FLT4: variants seen among roughly 807,000 people sequenced by gnomAD.
FLT4 encodes the protein vascular endothelial growth factor receptor 3.
In FLT4, 30 loss-of-function variants were observed where a neutral mutation model predicts 163.2. The observed-to-expected ratio is 0.18, with a 90% CI of 0.14 to 0.25. FLT4 has a LOEUF of 0.25. Among genes scored for constraint, FLT4 ranks in the 10% least tolerant of loss-of-function variants. FLT4 has a pLI of 1.00. For synonymous variants in FLT4, 884 were observed against 789.5 expected (o/e 1.12, Z -2.01); for missense variants, 1,510 against 1,863.8 (o/e 0.81, Z 3.50).
At chr5:180,608,883 C>T in intron 29 of FLT4, 85 bp downstream of exon 29, 1 of 1,184,260 alleles carries the variant, frequency 8.4e-7, no homozygotes, top group Non-Finnish European at 1.3e-6. Flanking sequence ...GGGAAGAGGG[C>T]TGGGCACACC....
chr5:180,624,003 T>A lies in FLT4; in HGVS notation c.1480A>T (p.Thr494Ser), dbSNP rs307826. 10 of 1,613,302 alleles carry A rather than the reference T, an allele frequency of 6.2e-6. No homozygotes were observed. The Admixed American group carries it at 1.7e-4, about 27-fold the overall frequency. ...TCGATGGGGTTCACGGCATCCTGCG[T>A]GGTCACCGCCCTCCAGTCACGGCAC... ...PQCRDWRAVTTQDAVNPIESL... is the reference protein window; with the variant it reads ...PQCRDWRAVTSQDAVNPIESL... Residue 494 changes from threonine (T) to serine (S), a missense_variant, in exon 11 of 30, where the codon ACG becomes TCG. Thr to Ser is a moderately conservative substitution (Grantham distance 58). Around this residue, in one of 5 missense-constraint regions of FLT4, gnomAD observed 878 missense variants for 1,016.7 expected, o/e 0.86. Coordinates refer to ENST00000261937, the MANE Select transcript of FLT4 (RefSeq NM_182925.5).
At chr5:180,610,115 T>A in intron 27 of FLT4, 90 bp from the exon 28 acceptor site, 1 of 1,588,168 alleles carries the variant, frequency 6.3e-7, no homozygotes, top group Non-Finnish European at 8.6e-7. Flanking sequence ...CCTCTTCTCC[T>A]GGAAAGGACC....
rs747487993 is a variant in FLT4, at chr5:180,628,979, C to T, written c.1006G>A (p.Glu336Lys). 1.1e-5 allele frequency: 18 copies of T among 1,612,416 alleles called. No homozygotes were observed. Among genetic ancestry groups the T allele is most frequent in the South Asian group, 7.7e-5 (7 of 91,066 alleles). ...TCCAGGATGGGTCCTTTGAGCCACT[C>T]GACGCTGATGAAGGGATTTTCTGCC... ...IVHENPFISVEWLKGPILEAT... is the reference protein window; with the variant it reads ...IVHENPFISVKWLKGPILEAT... The change falls in exon 8 of 30, where the codon GAG becomes AAG. Residue 336 changes from glutamate to lysine, a missense_variant. Physicochemically the swap from Glu to Lys is moderately conservative, Grantham distance 56. This residue lies in a region of FLT4 where 163 missense variants were observed against 281.1 expected (regional missense o/e 0.58). Coordinates refer to ENST00000261937, the MANE Select transcript of FLT4 (RefSeq NM_182925.5).
chr5:180,630,204 G>T lies in FLT4; in HGVS notation c.513+21C>A, dbSNP rs2127836698. 1 of 1,610,290 alleles carries T rather than the reference G, an allele frequency of 6.2e-7. No homozygotes were observed. ...GGGTGGGATGGGAGGGTCGGATGCT[G>T]GGGTTGGGGTGGGGCCGTACCGAGC... On this transcript the variant is annotated intron_variant, in intron 4 of 29. Transcript: ENST00000261937. The surrounding 1 kb of genome is among the most constrained non-coding windows in gnomAD (Gnocchi z 6.3).
chr5:180,638,296 C>A lies in FLT4; in HGVS notation c.59-6518G>T, dbSNP rs141240646. Among the ~76,000 whole-genome samples the A allele has an allele frequency of 3.2e-3, 486 of 152,318 alleles. 1 individual carries two copies. The highest frequency in any genetic ancestry group is 0.011 in the African/African-American group (462 of 41,578). The stretch of plus-strand genomic sequence containing the variant: ...GATGCTAAACTGCAGACGTGCACCC[C>A]CTCCAGCCCCACCAAAGGCTCCTCC... On this transcript the variant is annotated intron_variant, in intron 1 of 29. Coordinates refer to ENST00000261937, the MANE Select transcript of FLT4 (RefSeq NM_182925.5).
intron 21 of FLT4, among the ~76,000 whole-genome samples, 153 bp from the exon 22 acceptor site, chr5:180,617,147 C>A (rs1762754894): frequency 2.0e-5 from 3 of 147,140 alleles, no homozygotes; most frequent in East Asian, 2.0e-4. Flanking sequence ...CTCTCCTGCC[C>A]CTCAGCCTCT....
chr5:180,611,038 C>T (rs1028833309), intron 27 of FLT4, among the ~76,000 whole-genome samples: 2 of 152,126 alleles, frequency 1.3e-5, no homozygotes, highest in African/African-American at 4.8e-5. Flanking sequence ...GCCTGGGCGA[C>T]AGAGCGAGAC....
chr5:180,623,599 C>T lies in FLT4; in HGVS notation c.1548+336G>A, dbSNP rs1010595289. Among the ~76,000 whole-genome samples the T allele has an allele frequency of 5.3e-5, 8 of 152,220 alleles. No individual in the cohort carries two copies. Among genetic ancestry groups the T allele is most frequent in the African/African-American group, 7.2e-5 (3 of 41,462 alleles). On this transcript the variant is annotated intron_variant, in intron 11 of 29. Coordinates refer to ENST00000261937, the MANE Select transcript of FLT4 (RefSeq NM_182925.5). The surrounding 1 kb of genome is among the most constrained non-coding windows in gnomAD (Gnocchi z 5.8). ...CAGGCTGCGCCAGCGGCTCAGCAGC[C>T]CTCTGTGCAGACCTGGTCAGCCTCC... is the stretch of plus-strand genomic sequence containing the variant.
chr5:180,634,804 G>GGGTGGGTA (rs1764430642), intron 1 of FLT4, among the ~76,000 whole-genome samples: 1 of 1,626 alleles, frequency 6.2e-4, no homozygotes, highest in Non-Finnish European at 1.4e-3. Context: ...ACAGACAGAT[G>GGGTGGGTA]GGTGGATGGG....
At chr5:180,650,088 T>G (rs1279337435), upstream of FLT4, among the ~76,000 whole-genome samples, 1 of 140,766 alleles carries the variant, frequency 7.1e-6, no homozygotes, top group Non-Finnish European at 1.5e-5. Flanking sequence ...TCGGGGGGGC[T>G]GAGGCAGGAG....
chr5:180,622,930 C>CA (rs1052187356), intron 11 of FLT4, 91 bp from the exon 12 acceptor site: 2 of 791,810 alleles, frequency 2.5e-6, no homozygotes, highest in Admixed American at 2.0e-5. Context: ...TGTGCACCAC[C>CA]CCCCCCAATC....
intron 27 of FLT4, 124 bp from the exon 28 acceptor site, chr5:180,610,149 ATGGGCC>A: frequency 7.1e-7 from 1 of 1,417,746 alleles, no homozygotes; most frequent in Non-Finnish European, 9.8e-7. Flanking sequence ...AGGAGTATGG[ATGGGCC>A]TGGGCCTGAG....
chr5:180,640,888 A>C (rs192212536), intron 1 of FLT4, among the ~76,000 whole-genome samples: 56 of 152,280 alleles, frequency 3.7e-4, no homozygotes, highest in Non-Finnish European at 6.9e-4. Context: ...TCTACGGGGC[A>C]GTGTGGGTGA....
chr5:180,620,046 A>G lies in FLT4; in HGVS notation c.2542+127T>C. The G allele has an allele frequency of 1.6e-6, 2 of 1,235,418 alleles. No individual in the cohort carries two copies. The highest frequency in any genetic ancestry group is 2.3e-6 in the Non-Finnish European group (2 of 882,392). 76.5% of individuals were successfully genotyped at this position (1,235,418 alleles called of 1,614,324 possible). On this transcript the variant is annotated intron_variant, in intron 17 of 29. Coordinates refer to ENST00000261937, the MANE Select transcript of FLT4 (RefSeq NM_182925.5). The surrounding 1 kb of genome is among the most constrained non-coding windows in gnomAD (Gnocchi z 4.4). ...TGAGGTTCTAGGTACCCACGCCCAC[A>G]GGGACAGGTCAGGCCAGGCGGAACT...
chr5:180,615,129 C>G (rs1762541191), intron 23 of FLT4, among the ~76,000 whole-genome samples: 1 of 152,112 alleles, frequency 6.6e-6, no homozygotes, highest in South Asian at 2.1e-4. Context: ...AGAACAAGCT[C>G]CAATCGGAGC....
At chr5:180,645,324 C>T (rs1052883588) in intron 1 of FLT4, among the ~76,000 whole-genome samples, 1 of 152,226 alleles carries the variant, frequency 6.6e-6, no homozygotes, top group Non-Finnish European at 1.5e-5. Context: ...GCTAAGCTCC[C>T]AGCACACGGC....
Position 180,608,994 on chromosome 5 carries a change from GCTCT to G in FLT4, c.3863_3866del (p.Glu1288AlafsTer20). 1 of 1,614,134 alleles carries G rather than the reference GCTCT, an allele frequency of 6.2e-7. No individual in the cohort carries two copies. Among genetic ancestry groups the G allele is most frequent in the African/African-American group, 1.3e-5 (1 of 75,040 alleles). On this transcript the variant is annotated frameshift_variant, in exon 29 of 30. Transcript: ENST00000261937. LOFTEE classifies it low-confidence loss of function (END_TRUNC). ...TGAAGCCGCTTTCTTGTCTATGCCT[GCTCT>G]CTATCTGCTCAAACTCCTCCGAGGC...
At chr5:180,603,440 G>T in intron 29 of FLT4, 50 bp from the exon 30 acceptor site, 3 of 1,558,790 alleles carry the variant, frequency 1.9e-6, no homozygotes, top group Non-Finnish European at 2.6e-6. Flanking sequence ...GCTGGGTGGC[G>T]GGTGGTGCAT....
intron 6 of FLT4, 115 bp downstream of exon 6, chr5:180,629,581 G>A (rs78894531): frequency 6.2e-6 from 9 of 1,459,422 alleles, no homozygotes; most frequent in Middle Eastern, 2.3e-4. Context: ...CACTCAGACC[G>A]GGGCCCCTGG....
Sources: allele counts gnomAD v4.1 joint callset (sites outside exome capture counted in the v4.1 genomes callset), GRCh38; gene constraint gnomAD v4.1.1; regional missense constraint gnomAD v4.1.1; non-coding constraint Gnocchi (gnomAD v3.1); transcripts MANE v1.5; gene names NCBI Gene and HGNC (gene_info 2026-07-23, HGNC 2026-07-21).